The following GLUD1 variants were observed in gnomAD, a reference collection of about 807,000 sequenced individuals.
GLUD1 encodes the protein glutamate dehydrogenase 1, mitochondrial.
In GLUD1, 22 loss-of-function variants were observed where a neutral mutation model predicts 56.0. The observed-to-expected ratio is 0.39, with a 90% CI of 0.28 to 0.56. The LOEUF is 0.56. GLUD1 is among the 20% of genes least tolerant of loss of function. The pLI is 0.58. For missense variants in GLUD1, 451 were observed against 732.0 expected (o/e 0.62, Z 4.43); for synonymous variants, 223 against 269.9 (o/e 0.83, Z 1.70).
At chr10:87,073,258 G>A (rs1188900395) in intron 4 of GLUD1, among the ~76,000 whole-genome samples, 1 of 152,124 alleles carries the variant, frequency 6.6e-6, no homozygotes, top group African/African-American at 2.4e-5. Flanking sequence ...AACCCCCCAG[G>A]CTTAAGGGAT....
intron 3 of GLUD1, among the ~76,000 whole-genome samples, chr10:87,075,644 G>T (rs112920311): frequency 0.11 from 17,302 of 152,146 alleles, 2,167 homozygotes; most frequent in African/African-American, 0.3. Context: ...CTTTGAGGCC[G>T]GGTGCGGTGG....
At position 87,060,220 on chromosome 10, in the gene GLUD1, C is replaced by T; in HGVS notation, c.1219G>A (p.Gly407Arg). ...KAKIIAEGANGPTTPEADKIF... is the reference protein window; with the variant it reads ...KAKIIAEGANRPTTPEADKIF... ...TTGTCAGCTTCTGGAGTTGTTGGCC[C>T]ATTGGCACCTTCAGCAATGATCTGC... The change falls in exon 9 of 13, where the codon GGG becomes AGG. Residue 407 changes from glycine to arginine, a missense_variant. Gly to Arg is a moderately radical substitution (Grantham distance 125). Around this residue, in one of 4 missense-constraint regions of GLUD1, gnomAD observed 248 missense variants for 460.0 expected, o/e 0.54. Coordinates refer to ENST00000277865, the MANE Select transcript of GLUD1 (RefSeq NM_005271.5). The T allele has an allele frequency of 6.2e-7, 1 of 1,611,354 alleles. No homozygotes were observed.
intron 1 of GLUD1, among the ~76,000 whole-genome samples, chr10:87,089,110 G>A (rs1841454477): frequency 6.6e-6 from 1 of 152,170 alleles, no homozygotes; most frequent in African/African-American, 2.4e-5. Flanking sequence ...CTAGGAAGAA[G>A]GTAGGTCTTC....
At chr10:87,055,930 A>T (rs1845759962) in intron 11 of GLUD1, among the ~76,000 whole-genome samples, 1 of 151,886 alleles carries the variant, frequency 6.6e-6, no homozygotes, top group Non-Finnish European at 1.5e-5. Context: ...CCTGACCAAC[A>T]AGGTGAAACC....
At chr10:87,060,858 G>A (rs745827095) in intron 7 of GLUD1, 33 bp from the exon 8 acceptor site, 24 of 1,613,844 alleles carry the variant, frequency 1.5e-5, no homozygotes, top group Non-Finnish European at 2.0e-5. Context: ...ATTAATAGCT[G>A]CACCAGAGTT....
Position 87,068,580 on chromosome 10 carries a change from G to A in GLUD1, c.647-423C>T, listed in dbSNP as rs561244651. 3.1e-4 allele frequency among the ~76,000 whole-genome samples: 47 copies of A among 152,310 alleles called. No homozygotes were observed. The South Asian group carries it at 9.8e-3, about 32-fold the overall frequency. ...GAGTTGACATGTATGAGATAGCAGA[G>A]TAACATGCTGCTTAGTGGGGGTATA... On this transcript the variant is annotated intron_variant, in intron 4 of 12. Transcript: ENST00000277865.
At chr10:87,078,789 A>T (rs1022593395) in intron 1 of GLUD1, among the ~76,000 whole-genome samples, 6 of 152,196 alleles carry the variant, frequency 3.9e-5, no homozygotes, top group African/African-American at 1.2e-4. Context: ...CTCAATTAGA[A>T]GGAATAAGTT....
chr10:87,084,329 C>T (rs1425677322), intron 1 of GLUD1, among the ~76,000 whole-genome samples: 1 of 152,222 alleles, frequency 6.6e-6, no homozygotes, highest in Non-Finnish European at 1.5e-5. Context: ...CAGTACAAAG[C>T]ACTGATCTGA....
intron 1 of GLUD1, chr10:87,089,765 T>C: frequency 1.0e-6 from 1 of 960,616 alleles, no homozygotes; most frequent in African/African-American, 1.8e-5. Context: ...TAGTGAACAC[T>C]TGAATCTGTA....
At chr10:87,055,386 G>A (rs1845743424) in intron 11 of GLUD1, among the ~76,000 whole-genome samples, 1 of 152,150 alleles carries the variant, frequency 6.6e-6, no homozygotes, top group South Asian at 2.1e-4. Flanking sequence ...GTGCCAAACA[G>A]GGGCAGGGGG....
At chr10:87,090,228 A>T (rs181139370) in intron 1 of GLUD1, among the ~76,000 whole-genome samples, 76 of 152,330 alleles carry the variant, frequency 5.0e-4, no homozygotes, top group African/African-American at 1.8e-3. Context: ...AGCACTCTGA[A>T]TTATTAACAG....
chr10:87,068,308 A>T, intron 4 of GLUD1, 151 bp from the exon 5 acceptor site: 1 of 652,066 alleles, frequency 1.5e-6, no homozygotes, highest in Non-Finnish European at 2.8e-6. Context: ...TCATAGAAAT[A>T]TTCATTAAAT....
chr10:87,082,673 T>G (rs1462029119), intron 1 of GLUD1, among the ~76,000 whole-genome samples: 1 of 152,222 alleles, frequency 6.6e-6, no homozygotes. Context: ...AACCAGTGAT[T>G]CATACATGTT....
At chr10:87,066,545 A>G (rs1023701914) in intron 5 of GLUD1, among the ~76,000 whole-genome samples, 1 of 152,116 alleles carries the variant, frequency 6.6e-6, no homozygotes, top group East Asian at 1.9e-4. Context: ...ACCTTCCCTC[A>G]GGTAATTCCT....
At chr10:87,090,833 A>G (rs145762687) in intron 1 of GLUD1, among the ~76,000 whole-genome samples, 1 of 152,322 alleles carries the variant, frequency 6.6e-6, no homozygotes, top group Non-Finnish European at 1.5e-5. Context: ...TTGTCAATTG[A>G]GCACAGCAAA....
chr10:87,070,073 T>C (rs1444031409), intron 4 of GLUD1, among the ~76,000 whole-genome samples: 1 of 152,252 alleles, frequency 6.6e-6, no homozygotes, highest in Non-Finnish European at 1.5e-5. Flanking sequence ...AATGTACAAA[T>C]GACAAATTGG....
chr10:87,075,548 G>A (rs553228559), intron 3 of GLUD1, among the ~76,000 whole-genome samples: 1 of 152,228 alleles, frequency 6.6e-6, no homozygotes, highest in South Asian at 2.1e-4. Flanking sequence ...AAGCAATGGG[G>A]ACTACTGATC....
chr10:87,068,731 T>C (rs1171147515), intron 4 of GLUD1, among the ~76,000 whole-genome samples: 1 of 152,112 alleles, frequency 6.6e-6, no homozygotes, highest in Non-Finnish European at 1.5e-5. Context: ...ATTCAGCACA[T>C]ATAAGGTTTT....
intron 4 of GLUD1, among the ~76,000 whole-genome samples, chr10:87,070,196 T>C (rs1326502466): frequency 4.6e-5 from 7 of 152,248 alleles, no homozygotes; most frequent in Admixed American, 4.6e-4. Context: ...CTTATGCCTG[T>C]AATCCCAGCA....
Sources: allele counts gnomAD v4.1 joint callset (sites outside exome capture counted in the v4.1 genomes callset), GRCh38; gene constraint gnomAD v4.1.1; regional missense constraint gnomAD v4.1.1; transcripts MANE v1.5; gene names NCBI Gene and HGNC (gene_info 2026-07-23, HGNC 2026-07-21).